Variants in TNXB observed in about 807,000 individuals in gnomAD.
The protein encoded by TNXB is tenascin XB.
TNXB carries 183 observed loss-of-function variants against 340.5 expected under a neutral mutation model. The observed-to-expected ratio is 0.54, with a 90% CI of 0.48 to 0.61. TNXB has a LOEUF of 0.61. TNXB is among the 20% of genes least tolerant of loss of function. The pLI is 0.00. For missense variants in TNXB, 4,613 were observed against 5,446.4 expected, an observed-to-expected ratio of 0.85 and a Z score of 4.82; for synonymous variants, 2,121 against 2,314.5, an observed-to-expected ratio of 0.92 and a Z score of 2.40.
Position 32,046,524 on chromosome 6 carries a change from G to A in TNXB, c.10325-68C>T, listed in dbSNP as rs886755568. On this transcript the variant is annotated intron_variant, in intron 30 of 43. Transcript: ENST00000644971. The surrounding 1 kb of genome is among the most constrained non-coding windows in gnomAD (Gnocchi z 6.9). ...TTTGCCTAAGCCCTGGCAGCCTCCCGGAGGTGTGAGGTTCTGGGAAATGGT... is the reference window on the plus strand; with the variant it reads ...TTTGCCTAAGCCCTGGCAGCCTCCCAGAGGTGTGAGGTTCTGGGAAATGGT... 4.6e-5 allele frequency: 64 copies of A among 1,388,128 alleles called. No individual in the cohort carries two copies. Among genetic ancestry groups the A allele is most frequent in the Non-Finnish European group, 5.7e-5 (59 of 1,043,334 alleles). The allele number at this position is 1,388,128 out of a possible 1,614,324, so 86.0% of individuals were successfully genotyped here. A position where few individuals can be genotyped will look rare whatever the true frequency, so the allele number is the denominator to read the frequency against.
At position 32,055,911 on chromosome 6, in the gene TNXB, G is replaced by T. The variant is rs998823068; in HGVS notation, c.8407C>A (p.His2803Asn). 2 of 1,613,356 alleles carry T rather than the reference G, an allele frequency of 1.2e-6. No homozygotes were observed. Among genetic ancestry groups the T allele is most frequent in the African/African-American group, 2.7e-5 (2 of 74,912 alleles). ...CGCCCCTCGTGGAGGCCGTACAGGT[G>T]CATCTTGTATTTGCGCCCGGGCTCC... ...GLEPGRKYKM[H>N]LYGLHEGRRV... The change falls in exon 24 of 44, where the codon CAC becomes AAC. Residue 2803 changes from histidine to asparagine, a missense_variant. Physicochemically the swap from His to Asn is moderately conservative, Grantham distance 68. Transcript: ENST00000644971.
At position 32,064,127 on chromosome 6, in the gene TNXB, G is replaced by A. The variant is rs28732167; in HGVS notation, c.6841+694C>T. Among the ~76,000 whole-genome samples the A allele has an allele frequency of 0.043, 6,525 of 152,138 alleles. 159 individuals are homozygous for A. The highest frequency in any genetic ancestry group is 0.06 in the South Asian group (287 of 4,812). On this transcript the variant is annotated intron_variant, in intron 19 of 43. Transcript: ENST00000644971. This position sits in a 1 kb window ranked among gnomAD's most constrained non-coding sequence, Gnocchi z 5.3. ...TGTGTGAGAGCCAAGCCACACTCCC[G>A]CCCACCCTTCACGACAGGTATGGTT...
Position 32,085,699 on chromosome 6 carries a change from A to C in TNXB, c.3148+51T>G. 6.7e-7 allele frequency: 1 copy of C among 1,486,682 alleles called. No homozygotes were observed. The highest frequency in any genetic ancestry group is 8.9e-7 in the Non-Finnish European group (1 of 1,118,310). The allele number at this position is 1,486,682 out of a possible 1,614,324, so 92.1% of individuals were successfully genotyped here. A position where few individuals can be genotyped will look rare whatever the true frequency, so the allele number is the denominator to read the frequency against. On this transcript the variant is annotated intron_variant, in intron 7 of 43. Transcript: ENST00000644971. The surrounding 1 kb of genome is among the most constrained non-coding windows in gnomAD (Gnocchi z 6.4). ...CTACCTCTGAAGTCCCAATAACCCC[A>C]GCTCCTCCCCCAATCTCAGGATATT...
chr6:32,073,575 C>T lies in TNXB; in HGVS notation c.4681+72G>A. 7.0e-7 allele frequency: 1 copy of T among 1,420,240 alleles called. No individual in the cohort carries two copies. The highest frequency in any genetic ancestry group is 9.6e-7 in the Non-Finnish European group (1 of 1,038,980). 88.0% of individuals were successfully genotyped at this position (1,420,240 alleles called of 1,614,324 possible). The stretch of plus-strand genomic sequence containing the variant: ...AGGGTGCGGTGGTACCAAGGCAGGG[C>T]TGGAAGAAGGGCCATGGGGTGGGGG... On this transcript the variant is annotated intron_variant, in intron 12 of 43. Transcript: ENST00000644971. The surrounding 1 kb of genome is among the most constrained non-coding windows in gnomAD (Gnocchi z 4.6).
Position 32,089,420 on chromosome 6 carries a change from T to C in TNXB, c.2359-41A>G. On this transcript the variant is annotated intron_variant, in intron 4 of 43. Coordinates refer to ENST00000644971, the MANE Select transcript of TNXB (RefSeq NM_001365276.2). The surrounding 1 kb of genome is among the most constrained non-coding windows in gnomAD (Gnocchi z 6.2). ...CCAGGTGGCTCAGGGGCTGGCACTC[T>C]TGCCTCTGCTGCTCAATCCCCCTTA... 6.4e-7 allele frequency: 1 copy of C among 1,573,308 alleles called. No individual in the cohort carries two copies. The highest frequency in any genetic ancestry group is 8.6e-7 in the Non-Finnish European group (1 of 1,161,388).
intron 11 of TNXB, among the ~76,000 whole-genome samples, chr6:32,078,129 AAG>A (rs879775964): frequency 1.1e-4 from 16 of 147,008 alleles, no homozygotes; most frequent in African/African-American, 3.5e-4. Context: ...GAAAGAAAGA[AAG>A]AAAAAGAGAG....
rs1779877024 is a variant in TNXB, at chr6:32,087,774, C to G, written c.2779+1011G>C. The G allele has an allele frequency of 2.0e-6, 1 of 510,514 alleles. No individual in the cohort carries two copies. The highest frequency in any genetic ancestry group is 3.9e-6 in the Non-Finnish European group (1 of 257,168). 31.6% of individuals were successfully genotyped at this position (510,514 alleles called of 1,614,324 possible). A position where few individuals can be genotyped will look rare whatever the true frequency, so the allele number is the denominator to read the frequency against. ...GCAGGTGGCGCTCCAGGTCCTGCAC[C>G]GTGCCGCGGAAACGGCTCAGCTCGG... On this transcript the variant is annotated intron_variant, in intron 6 of 43. Transcript: ENST00000644971. The surrounding 1 kb of genome is among the most constrained non-coding windows in gnomAD (Gnocchi z 9.0).
Position 32,042,693 on chromosome 6 carries a change from A to T in TNXB, c.12058+6T>A. ...CCCCCGGCCCCGGGCCCGTGCGTCC[A>T]GGTACCCGTGGTGAAAGAGGTGGAC... On this transcript the variant is annotated splice_donor_region_variant and intron_variant, in intron 39 of 43. Coordinates refer to ENST00000644971, the MANE Select transcript of TNXB (RefSeq NM_001365276.2). 8.4e-7 allele frequency: 1 copy of T among 1,188,262 alleles called. No individual in the cohort carries two copies. Among genetic ancestry groups the T allele is most frequent in the Non-Finnish European group, 1.2e-6 (1 of 846,562 alleles). The allele number at this position is 1,188,262 out of a possible 1,614,324, so 73.6% of individuals were successfully genotyped here.
At chr6:32,078,992 C>T in intron 11 of TNXB, 41 bp downstream of exon 11, 1 of 1,574,860 alleles carries the variant, frequency 6.3e-7, no homozygotes, top group East Asian at 2.3e-5. Context: ...TGGGAGCCAG[C>T]AGTGGGAGGG....
At chr6:32,095,044 A>C in intron 4 of TNXB, 32 bp downstream of exon 4, 1 of 1,521,806 alleles carries the variant, frequency 6.6e-7, no homozygotes, top group Non-Finnish European at 8.9e-7. Flanking sequence ...CTGCCCACTC[A>C]GTCCCCTCCT....
Position 32,064,281 on chromosome 6 carries a change from C to T in TNXB, c.6841+540G>A, listed in dbSNP as rs1033589245. On this transcript the variant is annotated intron_variant, in intron 19 of 43. Coordinates refer to ENST00000644971, the MANE Select transcript of TNXB (RefSeq NM_001365276.2). This position sits in a 1 kb window ranked among gnomAD's most constrained non-coding sequence, Gnocchi z 5.3. ...AGGCTGGAGTGCAGTGGCTCGATCT[C>T]GGCTCACTGCAACCTCCGCCTCCTG... Among the ~76,000 whole-genome samples, 25 of 152,206 alleles carry T rather than the reference C, an allele frequency of 1.6e-4. No individual in the cohort carries two copies. The highest frequency in any genetic ancestry group is 5.8e-4 in the African/African-American group (24 of 41,520).
In TNXB at chr6:32,096,661, C is replaced by G. The variant is rs1185970832; in HGVS notation, c.1192G>C (p.Asp398His). 2.6e-6 allele frequency: 4 copies of G among 1,554,444 alleles called. No homozygotes were observed. The highest frequency in any genetic ancestry group is 3.5e-6 in the Non-Finnish European group (4 of 1,153,568). The change falls in exon 3 of 44, where the codon GAC becomes CAC. Residue 398 changes from aspartate to histidine, a missense_variant. Physicochemically the swap from Asp to His is moderately conservative, Grantham distance 81 (BLOSUM62 -1). This residue lies in a region of TNXB where 4,327 missense variants were observed against 4,859.4 expected (regional missense o/e 0.89). Transcript: ENST00000644971. Reference protein sequence around the residue: ...CICDTGYSGDDCGVRSCPGDC... With the variant: ...CICDTGYSGDHCGVRSCPGDC... ...CCAGGGCAGCTGCGCACGCCGCAGTCGTCCCCGCTGTAGCCCGTGTCGCAA... is the reference window on the plus strand; with the variant it reads ...CCAGGGCAGCTGCGCACGCCGCAGTGGTCCCCGCTGTAGCCCGTGTCGCAA...
At chr6:32,048,089 C>T in intron 29 of TNXB, 77 bp from the exon 30 acceptor site, 1 of 1,510,530 alleles carries the variant, frequency 6.6e-7, no homozygotes, top group Non-Finnish European at 9.0e-7. Flanking sequence ...TGCTATGGCT[C>T]TGTGAGCCGG....
rs192216704 is a variant in TNXB at position 32,052,237 on chromosome 6, G to A, written c.9115+433C>T. Among the ~76,000 whole-genome samples, 3 of 152,160 alleles carry A rather than the reference G, an allele frequency of 2.0e-5. No homozygotes were observed. Among genetic ancestry groups the A allele is most frequent in the African/African-American group, 7.2e-5 (3 of 41,444 alleles). ...GAGGCCGAGGAGGGCAGATCACGAG[G>A]TCAGGAGATTGAGACCATCCTGGCT... On this transcript the variant is annotated intron_variant, in intron 26 of 43. Coordinates refer to ENST00000644971, the MANE Select transcript of TNXB (RefSeq NM_001365276.2). This position sits in a 1 kb window ranked among gnomAD's most constrained non-coding sequence, Gnocchi z 4.7.
In TNXB at chr6:32,062,326, GAAGTGGTCA is replaced by G; in HGVS notation, c.6990_6998del (p.Asp2331_Phe2333del). The G allele has an allele frequency of 6.2e-7, 1 of 1,613,544 alleles. No homozygotes were observed. Among genetic ancestry groups the G allele is most frequent in the Non-Finnish European group, 8.5e-7 (1 of 1,179,866 alleles). ...CATCCCCATTCTTGTACTGGACCAG[GAAGTGGTCA>G]AACTGTCCCTCGGGAACCGTCCAGG... On this transcript the variant is annotated inframe_deletion, in exon 20 of 44. Transcript: ENST00000644971. This position sits in a 1 kb window ranked among gnomAD's most constrained non-coding sequence, Gnocchi z 4.3.
At chr6:32,066,938 G>A (rs982948576) in intron 18 of TNXB, among the ~76,000 whole-genome samples, 1 of 152,092 alleles carries the variant, frequency 6.6e-6, no homozygotes, top group Non-Finnish European at 1.5e-5. Context: ...GGGCATGGTG[G>A]AGTGCACTTG....
At chr6:32,043,380 C>A in intron 36 of TNXB, 57 bp downstream of exon 36, 2 of 446,268 alleles carry the variant, frequency 4.5e-6, no homozygotes, top group Non-Finnish European at 7.6e-6. Context: ...AGTCCAGCCT[C>A]CCCCCTGCAA....
Position 32,062,298 on chromosome 6 carries a change from G to A in TNXB, c.7027C>T (p.Gln2343Ter). ...CCTGGCACCCGTGTTGCCTTGGGCT[G>A]CCCATCCCCATTCTTGTACTGGACC... ...FLVQYKNGDG[Q>*]PKATRVPGHE... Residue 2343 changes from glutamine to a stop codon, truncating the protein, a stop_gained, in exon 20 of 44, where the codon CAG becomes TAG. Transcript: ENST00000644971. LOFTEE classifies it high-confidence loss of function. The surrounding 1 kb of genome is among the most constrained non-coding windows in gnomAD (Gnocchi z 4.3). 1.9e-6 allele frequency: 3 copies of A among 1,613,476 alleles called. No individual in the cohort carries two copies. The highest frequency in any genetic ancestry group is 2.5e-6 in the Non-Finnish European group (3 of 1,179,850).
chr6:32,078,631 A>G (rs1443397652), intron 11 of TNXB: 2 of 248,120 alleles, frequency 8.1e-6, no homozygotes, highest in Non-Finnish European at 1.6e-5. Flanking sequence ...CCTTAGATTC[A>G]TGTGCATTCT....
Sources: gnomAD v4.1 joint callset for allele counts (sites outside exome capture counted in the v4.1 genomes callset) on GRCh38, gnomAD v4.1.1 for gene constraint, gnomAD v4.1.1 regional missense constraint, Gnocchi (gnomAD v3.1) non-coding constraint, MANE v1.5 for transcripts, NCBI Gene and HGNC (gene_info 2026-07-23, HGNC 2026-07-21) for gene names.